The following PLS1 variants were observed in gnomAD, a reference collection of about 807,000 sequenced individuals.
The protein encoded by PLS1 is plastin 1.
Under a neutral mutation model 73.7 loss-of-function variants are expected in PLS1, and 32 were observed. The observed-to-expected ratio is 0.43, with a 90% CI of 0.33 to 0.58. The LOEUF (loss-of-function observed/expected upper bound fraction) is 0.58. Ranked by LOEUF, PLS1 falls within the 20% of genes least tolerant of loss-of-function variation. The probability of loss-of-function intolerance (pLI) is 0.04; values close to 1 mark genes in which losing one functional copy is unlikely to be tolerated. For missense variants in PLS1, 633 were observed against 740.5 expected (o/e 0.85, Z 1.68); for synonymous variants, 217 against 261.3 (o/e 0.83, Z 1.63).
chr3:142,635,331 T>G (rs1258950115), intron 1 of PLS1, among the ~76,000 whole-genome samples: 1 of 151,196 alleles, frequency 6.6e-6, no homozygotes, highest in East Asian at 1.9e-4. Context: ...AGAAAAAACT[T>G]AACCTTATCG....
At chr3:142,607,672 A>G (rs914526242) in intron 1 of PLS1, among the ~76,000 whole-genome samples, 2 of 152,164 alleles carry the variant, frequency 1.3e-5, no homozygotes, top group Non-Finnish European at 2.9e-5. Context: ...TAGCTTATTC[A>G]TATTTCCTTT....
chr3:142,642,877 G>C (rs1385147753), intron 1 of PLS1, among the ~76,000 whole-genome samples: 2 of 152,114 alleles, frequency 1.3e-5, no homozygotes, highest in African/African-American at 4.8e-5. Flanking sequence ...TTTTTGTAGA[G>C]ACAGGGTTTT....
intron 9 of PLS1, among the ~76,000 whole-genome samples, chr3:142,687,693 C>T (rs1431959747): frequency 6.6e-6 from 1 of 152,072 alleles, no homozygotes. Context: ...TTTCTCTCCT[C>T]TCCTATATTA....
Position 142,712,050 on chromosome 3 carries a change from C to A in PLS1, c.*43C>A. ...CTGCCACATTAAACATATTGTATGC[C>A]TCACAGTTTACAGGATTCTGAAATG... On this transcript the variant is annotated 3_prime_UTR_variant, in exon 16 of 16. Coordinates refer to ENST00000457734, the MANE Select transcript of PLS1 (RefSeq NM_001145319.2). 6.4e-7 allele frequency: 1 copy of A among 1,561,188 alleles called. No homozygotes were observed. The highest frequency in any genetic ancestry group is 8.8e-7 in the Non-Finnish European group (1 of 1,133,460).
At chr3:142,652,264 T>G (rs1441779891) in intron 1 of PLS1, among the ~76,000 whole-genome samples, 2 of 152,242 alleles carry the variant, frequency 1.3e-5, no homozygotes, top group Admixed American at 1.3e-4. Context: ...TAGAGAAGAC[T>G]TAAGGCTTTA....
At chr3:142,622,991 A>G (rs1487640125) in intron 1 of PLS1, among the ~76,000 whole-genome samples, 4 of 152,128 alleles carry the variant, frequency 2.6e-5, no homozygotes, top group Non-Finnish European at 5.9e-5. Context: ...TGTATTGCCC[A>G]GACTGGAGTG....
chr3:142,654,475 A>G (rs2037173329), intron 1 of PLS1, among the ~76,000 whole-genome samples: 1 of 152,122 alleles, frequency 6.6e-6, no homozygotes, highest in South Asian at 2.1e-4. Flanking sequence ...CCTCCCAAGT[A>G]GTAGGACTAT....
intron 4 of PLS1, 50 bp from the exon 5 acceptor site, chr3:142,676,107 C>A: frequency 1.3e-6 from 2 of 1,529,760 alleles, no homozygotes; most frequent in Non-Finnish European, 9.0e-7. Context: ...TTTTATAGTG[C>A]AATAAAGTTT....
chr3:142,613,134 C>CT (rs1436024177), intron 1 of PLS1, among the ~76,000 whole-genome samples: 2 of 152,092 alleles, frequency 1.3e-5, no homozygotes, highest in Non-Finnish European at 2.9e-5. Flanking sequence ...CCTGGAAAGT[C>CT]TGAGAAGAAA....
At chr3:142,606,104 C>G (rs2036012685) in intron 1 of PLS1, among the ~76,000 whole-genome samples, 1 of 152,112 alleles carries the variant, frequency 6.6e-6, no homozygotes, top group Non-Finnish European at 1.5e-5. Context: ...AAACATTGTA[C>G]AAAAGGGTAC....
chr3:142,673,041 G>C (rs1249003676), intron 4 of PLS1, among the ~76,000 whole-genome samples: 1 of 152,210 alleles, frequency 6.6e-6, no homozygotes, highest in South Asian at 2.1e-4. Context: ...CATTTGACAG[G>C]CTTCTTCACT....
At chr3:142,632,889 G>A (rs543039588) in intron 1 of PLS1, among the ~76,000 whole-genome samples, 12 of 152,242 alleles carry the variant, frequency 7.9e-5, no homozygotes, top group Admixed American at 3.9e-4. Flanking sequence ...ATGAGCCACC[G>A]TGCCCAGCCT....
At chr3:142,679,126 T>G (rs1284254560) in intron 6 of PLS1, among the ~76,000 whole-genome samples, 2 of 151,724 alleles carry the variant, frequency 1.3e-5, no homozygotes, top group African/African-American at 4.9e-5. Flanking sequence ...GGTTGTTTGT[T>G]TTTTTCTTGT....
rs144976388 is a variant in PLS1 at position 142,621,610 on chromosome 3, A to T, written c.-37+25101A>T. On this transcript the variant is annotated intron_variant, in intron 1 of 15. Transcript: ENST00000457734. ...AAATTGTATATTCATACACATGTGC[A>T]TAGAAGAAAGATTGAAAATTTATAA... Among the ~76,000 whole-genome samples the T allele has an allele frequency of 8.0e-3, 1,213 of 152,320 alleles. 13 individuals carry two copies. The highest frequency in any genetic ancestry group is 0.028 in the African/African-American group (1,161 of 41,570).
At chr3:142,672,515 T>C (rs1356716844) in intron 4 of PLS1, among the ~76,000 whole-genome samples, 1 of 151,946 alleles carries the variant, frequency 6.6e-6, no homozygotes, top group African/African-American at 2.4e-5. Context: ...GCTAATGTTT[T>C]TGTATTTTTA....
chr3:142,698,126 T>C lies in PLS1; in HGVS notation c.1371+59T>C, dbSNP rs970933834. On this transcript the variant is annotated intron_variant, in intron 12 of 15. Coordinates refer to ENST00000457734, the MANE Select transcript of PLS1 (RefSeq NM_001145319.2). Reference sequence around the variant, plus strand: ...TTGTTCTGATATGAAACAAAGAATTTAGAGTTTCATGAAGTTATACGTGCT... The same window carrying C: ...TTGTTCTGATATGAAACAAAGAATTCAGAGTTTCATGAAGTTATACGTGCT... 4 of 1,021,224 alleles carry C rather than the reference T, an allele frequency of 3.9e-6. No individual in the cohort carries two copies. In the East Asian group the frequency reaches 9.7e-5, roughly 25 times the overall value. The allele number at this position is 1,021,224 out of a possible 1,614,324, so 63.3% of individuals were successfully genotyped here. A position where few individuals can be genotyped will look rare whatever the true frequency, so the allele number is the denominator to read the frequency against.
chr3:142,639,549 C>T (rs889350478), intron 1 of PLS1, among the ~76,000 whole-genome samples: 3 of 152,154 alleles, frequency 2.0e-5, no homozygotes, highest in South Asian at 2.1e-4. Flanking sequence ...TTTGAATATA[C>T]GGACACCTCT....
At chr3:142,666,056 C>T (rs940104344) in intron 2 of PLS1, among the ~76,000 whole-genome samples, 2 of 152,144 alleles carry the variant, frequency 1.3e-5, no homozygotes, top group Non-Finnish European at 2.9e-5. Context: ...GCACACTTTT[C>T]TCAAGGATAG....
intron 1 of PLS1, among the ~76,000 whole-genome samples, chr3:142,601,752 A>G (rs1031398348): frequency 3.9e-5 from 6 of 152,122 alleles, no homozygotes; most frequent in East Asian, 1.9e-4. Flanking sequence ...TTTAGCCTCA[A>G]GCAATCCTCC....
Sources: allele counts gnomAD v4.1 joint callset (sites outside exome capture counted in the v4.1 genomes callset), GRCh38; gene constraint gnomAD v4.1.1; transcripts MANE v1.5; gene names NCBI Gene and HGNC (gene_info 2026-07-23, HGNC 2026-07-21).